The following ST8SIA5 variants were observed in gnomAD, a reference collection of about 807,000 sequenced individuals.
ST8SIA5 encodes the protein alpha-2,8-sialyltransferase 8E.
ST8SIA5 carries 24 observed loss-of-function variants against 40.2 expected under a neutral mutation model. The observed-to-expected ratio is 0.60, with a 90% confidence interval of 0.43 to 0.84. ST8SIA5 has a LOEUF of 0.84. Ranked by LOEUF, ST8SIA5 falls within the 40% of genes least tolerant of loss-of-function variation. The pLI is 0.00. For synonymous variants in ST8SIA5, 198 were observed against 201.8 expected (o/e 0.98, Z 0.16); for missense variants, 465 against 498.5 (o/e 0.93, Z 0.64).
At chr18:46,721,410 T>A (rs1184531683) in intron 1 of ST8SIA5, 1 of 1,535,952 alleles carries the variant, frequency 6.5e-7, no homozygotes, top group Non-Finnish European at 8.7e-7. Context: ...ATCCGTGACA[T>A]TAAAGAGCCC....
At chr18:46,724,612 G>A (rs964412259) in intron 1 of ST8SIA5, among the ~76,000 whole-genome samples, 2 of 152,202 alleles carry the variant, frequency 1.3e-5, no homozygotes, top group African/African-American at 4.8e-5. Flanking sequence ...GAGACACTTT[G>A]AGCACCTATT....
At chr18:46,746,778 A>AC (rs2040144717) in intron 1 of ST8SIA5, among the ~76,000 whole-genome samples, 1 of 151,812 alleles carries the variant, frequency 6.6e-6, no homozygotes. Flanking sequence ...CTAAGCAAAA[A>AC]AAAACAAAGC....
intron 1 of ST8SIA5, among the ~76,000 whole-genome samples, chr18:46,739,709 C>T (rs969886511): frequency 6.6e-6 from 1 of 152,182 alleles, no homozygotes; most frequent in Non-Finnish European, 1.5e-5. Flanking sequence ...CTGTGACATA[C>T]CCCACCACAT....
chr18:46,702,099 A>T (rs147111741), intron 2 of ST8SIA5, among the ~76,000 whole-genome samples: 4,141 of 148,732 alleles, frequency 0.028, 87 homozygotes, highest in Non-Finnish European at 0.042. Context: ...GTGAGGCGAG[A>T]TGGCACCACT....
intron 1 of ST8SIA5, among the ~76,000 whole-genome samples, chr18:46,728,334 G>C (rs2039952203): frequency 6.6e-6 from 1 of 152,230 alleles, no homozygotes; most frequent in Non-Finnish European, 1.5e-5. Flanking sequence ...GCAATTTTGT[G>C]GGGGACACAG....
intron 1 of ST8SIA5, among the ~76,000 whole-genome samples, chr18:46,707,445 C>A (rs892544557): frequency 6.6e-6 from 1 of 152,138 alleles, no homozygotes; most frequent in Non-Finnish European, 1.5e-5. Context: ...ATCAGCCAGC[C>A]CTTCCATTTC....
chr18:46,696,167 C>T (rs1191091237), intron 2 of ST8SIA5, among the ~76,000 whole-genome samples: 1 of 152,152 alleles, frequency 6.6e-6, no homozygotes, highest in East Asian at 1.9e-4. Context: ...TGCAAAAGCC[C>T]CAGCCTGGCA....
intron 1 of ST8SIA5, among the ~76,000 whole-genome samples, chr18:46,738,276 G>C (rs2040054587): frequency 6.6e-6 from 1 of 151,830 alleles, no homozygotes; most frequent in South Asian, 2.1e-4. Flanking sequence ...GGTGGGTGGG[G>C]CAAGGAAGAA....
chr18:46,675,580 T>C lies in ST8SIA5; in HGVS notation c.*4462A>G, dbSNP rs988696920. The stretch of plus-strand genomic sequence containing the variant: ...GGGGTTAAGATGCCAGGGCAGAAGA[T>C]ACTTAAGGCTTTGAATAGATGAGAT... On this transcript the variant is annotated 3_prime_UTR_variant, in exon 7 of 7. Transcript: ENST00000315087. 6.6e-6 allele frequency: 1 copy of C among 152,104 alleles called. No individual in the cohort carries two copies. The highest frequency in any genetic ancestry group is 6.6e-5 in the Admixed American group (1 of 15,258). The allele number at this position is 152,104 out of a possible 1,614,324, so 9.4% of individuals were successfully genotyped here. A position where few individuals can be genotyped will look rare whatever the true frequency, so the allele number is the denominator to read the frequency against.
chr18:46,687,944 G>T (rs1401734118), intron 4 of ST8SIA5, among the ~76,000 whole-genome samples: 2 of 152,194 alleles, frequency 1.3e-5, no homozygotes, highest in African/African-American at 4.8e-5. Context: ...GCCAGAACTG[G>T]CTGAAAGCGC....
chr18:46,693,932 T>G (rs1037166130), intron 2 of ST8SIA5, among the ~76,000 whole-genome samples: 3 of 152,232 alleles, frequency 2.0e-5, no homozygotes, highest in Non-Finnish European at 4.4e-5. Flanking sequence ...CGCATTTCAG[T>G]TAAGAAATTG....
At position 46,674,199 on chromosome 18, in the gene ST8SIA5, G is replaced by A. The variant is rs1472598754; in HGVS notation, c.*5843C>T. The A allele has an allele frequency of 6.6e-6, 1 of 152,196 alleles. No individual in the cohort carries two copies. Among genetic ancestry groups the A allele is most frequent in the Non-Finnish European group, 1.5e-5 (1 of 68,038 alleles). 9.4% of individuals were successfully genotyped at this position (152,196 alleles called of 1,614,324 possible). ...GCCTGACATGTTTGTGTGGCTTTGA[G>A]GAAGGGAAGAAGTAGACAACAAGAA... On this transcript the variant is annotated 3_prime_UTR_variant, in exon 7 of 7. Coordinates refer to ENST00000315087, the MANE Select transcript of ST8SIA5 (RefSeq NM_013305.6).
At chr18:46,683,756 G>A (rs939069031) in intron 5 of ST8SIA5, among the ~76,000 whole-genome samples, 1 of 151,222 alleles carries the variant, frequency 6.6e-6, no homozygotes, top group African/African-American at 2.4e-5. Context: ...GAGGGGGTGG[G>A]GTGTGTGCAG....
intron 1 of ST8SIA5, among the ~76,000 whole-genome samples, chr18:46,749,799 C>A (rs546366938): frequency 2.6e-5 from 4 of 152,102 alleles, no homozygotes; most frequent in Admixed American, 6.6e-5. Flanking sequence ...ATGTTGAAAT[C>A]GAATCCCAAG....
intron 1 of ST8SIA5, among the ~76,000 whole-genome samples, chr18:46,741,748 G>A (rs1433778202): frequency 6.6e-6 from 1 of 152,130 alleles, no homozygotes; most frequent in Non-Finnish European, 1.5e-5. Flanking sequence ...AAAGGTTAAA[G>A]GGGAAAAACT....
chr18:46,755,788 A>T (rs1644411082), intron 1 of ST8SIA5, among the ~76,000 whole-genome samples: 1 of 152,106 alleles, frequency 6.6e-6, no homozygotes, highest in Admixed American at 6.5e-5. Context: ...TTTCAGAAGG[A>T]ATCAGGTTGT....
intron 2 of ST8SIA5, among the ~76,000 whole-genome samples, chr18:46,698,805 G>A (rs2039582345): frequency 6.6e-6 from 1 of 152,210 alleles, no homozygotes; most frequent in Admixed American, 6.5e-5. Flanking sequence ...AGCCAGACTG[G>A]AGCAAGATGA....
At chr18:46,724,522 T>G (rs2039894863) in intron 1 of ST8SIA5, among the ~76,000 whole-genome samples, 2 of 152,270 alleles carry the variant, frequency 1.3e-5, no homozygotes, top group African/African-American at 4.8e-5. Context: ...ATTTATTTAT[T>G]TATTGAAGTG....
At chr18:46,726,892 A>T (rs2039936970) in intron 1 of ST8SIA5, among the ~76,000 whole-genome samples, 1 of 152,150 alleles carries the variant, frequency 6.6e-6, no homozygotes, top group Non-Finnish European at 1.5e-5. Flanking sequence ...CACTGAGCAA[A>T]CAGAGCGAGA....
Sources: gnomAD v4.1 joint callset for allele counts (sites outside exome capture counted in the v4.1 genomes callset) on GRCh38, gnomAD v4.1.1 for gene constraint, MANE v1.5 for transcripts, NCBI Gene and HGNC (gene_info 2026-07-23, HGNC 2026-07-21) for gene names.